Variants in ARNT2 observed in about 807,000 individuals in gnomAD.
ARNT2 encodes the protein aryl hydrocarbon receptor nuclear translocator 2, also known as ARNT protein 2.
In ARNT2, 36 loss-of-function variants were observed where a neutral mutation model predicts 91.7. That is an observed-to-expected ratio of 0.39 (90% confidence interval 0.30 to 0.52). The LOEUF (loss-of-function observed/expected upper bound fraction) is 0.52, where lower values mean the gene tolerates loss of function less well. ARNT2 is among the 20% of genes least tolerant of loss of function. The pLI is 0.72. For synonymous variants in ARNT2, 365 were observed against 347.1 expected, an observed-to-expected ratio of 1.05 and a Z score of -0.57; for missense variants, 775 against 939.3, an observed-to-expected ratio of 0.83 and a Z score of 2.29.
intron 8 of ARNT2, among the ~76,000 whole-genome samples, chr15:80,546,820 A>T (rs1049197489): frequency 3.9e-5 from 6 of 151,912 alleles, no homozygotes; most frequent in Non-Finnish European, 8.8e-5. Context: ...AAAATTAGCC[A>T]TGTGCGGTGG....
At position 80,597,595 on chromosome 15, in the gene ARNT2, C is replaced by A. The variant is rs952703151; in HGVS notation, c.*3897C>A. The A allele has an allele frequency of 4.0e-5, 8 of 198,810 alleles. No homozygotes were observed. The highest frequency in any genetic ancestry group is 9.3e-5 in the African/African-American group (4 of 42,964). 12.3% of individuals were successfully genotyped at this position (198,810 alleles called of 1,614,324 possible). Reference sequence around the variant, plus strand: ...TGGCCAAAGCTAGTGTTATGGTCAACAACAGGCCAGGGTCTGTGGGGCACT... The same window carrying A: ...TGGCCAAAGCTAGTGTTATGGTCAAAAACAGGCCAGGGTCTGTGGGGCACT... On this transcript the variant is annotated 3_prime_UTR_variant, in exon 19 of 19. Transcript: ENST00000303329.
chr15:80,446,175 AGG>A (rs1896300648), intron 1 of ARNT2, among the ~76,000 whole-genome samples: 2 of 152,138 alleles, frequency 1.3e-5, no homozygotes, highest in Non-Finnish European at 2.9e-5. Flanking sequence ...AATTTGCTCA[AGG>A]GTTATATAAA....
At position 80,441,105 on chromosome 15, in the gene ARNT2, G is replaced by A. The variant is rs1456151661; in HGVS notation, c.32-9775G>A. On this transcript the variant is annotated intron_variant, in intron 1 of 18. Transcript: ENST00000303329. ...AATATGCATTTGTTATGGTTTCATA[G>A]GAAATCCAAGTAACCGATTTTTCAG... 5.6e-6 allele frequency: 3 copies of A among 538,106 alleles called. No individual in the cohort carries two copies. The African/African-American group carries it at 6.2e-5, about 11-fold the overall frequency. 33.3% of individuals were successfully genotyped at this position (538,106 alleles called of 1,614,324 possible). A position where few individuals can be genotyped will look rare whatever the true frequency, so the allele number is the denominator to read the frequency against.
intron 1 of ARNT2, among the ~76,000 whole-genome samples, chr15:80,429,842 C>G (rs1016788295): frequency 4.6e-5 from 7 of 152,120 alleles, no homozygotes; most frequent in Non-Finnish European, 7.3e-5. Context: ...CTGACAGAGC[C>G]CCTGCCCAAC....
intron 5 of ARNT2, among the ~76,000 whole-genome samples, chr15:80,504,524 T>TC (rs1194178843): frequency 0.034 from 12 of 356 alleles, no homozygotes; most frequent in South Asian, 0.3. Context: ...GTCCCAGCAC[T>TC]TTGGAGGCCG....
intron 5 of ARNT2, among the ~76,000 whole-genome samples, chr15:80,495,161 C>T (rs1595985962): frequency 6.6e-6 from 1 of 152,200 alleles, no homozygotes. Context: ...ACCCCAGCCG[C>T]CATCTTCCTT....
At chr15:80,513,292 T>A (rs956767561) in intron 6 of ARNT2, among the ~76,000 whole-genome samples, 1 of 152,080 alleles carries the variant, frequency 6.6e-6, no homozygotes, top group Admixed American at 6.5e-5. Context: ...GATGCCACCA[T>A]CCCCTGCCTC....
intron 8 of ARNT2, among the ~76,000 whole-genome samples, chr15:80,522,210 A>G (rs1245919761): frequency 1.3e-5 from 2 of 152,180 alleles, no homozygotes; most frequent in African/African-American, 4.8e-5. Flanking sequence ...AGCTACATTA[A>G]CTCATTTAAT....
intron 5 of ARNT2, among the ~76,000 whole-genome samples, chr15:80,478,445 G>A (rs1469630508): frequency 3.9e-5 from 6 of 152,234 alleles, no homozygotes; most frequent in Non-Finnish European, 8.8e-5. Flanking sequence ...TCCTCGGAGT[G>A]GACACTGGAC....
intron 1 of ARNT2, among the ~76,000 whole-genome samples, chr15:80,413,176 G>A (rs546865851): frequency 1.3e-5 from 2 of 152,364 alleles, no homozygotes; most frequent in South Asian, 4.1e-4. Context: ...TGGCCTCAGT[G>A]GGCCGCTGCA....
chr15:80,543,960 C>G (rs573721078), intron 8 of ARNT2, among the ~76,000 whole-genome samples: 1 of 152,184 alleles, frequency 6.6e-6, no homozygotes, highest in East Asian at 1.9e-4. Context: ...AGGCTGGTCT[C>G]AAACTCCTGA....
intron 4 of ARNT2, among the ~76,000 whole-genome samples, chr15:80,473,142 G>A (rs770356806): frequency 3.9e-5 from 6 of 152,196 alleles, no homozygotes; most frequent in Admixed American, 1.3e-4. Context: ...TGCTGAGGGC[G>A]TGAAGTAACA....
At chr15:80,454,773 A>G (rs1021785360) in intron 2 of ARNT2, among the ~76,000 whole-genome samples, 35 of 152,316 alleles carry the variant, frequency 2.3e-4, no homozygotes, top group African/African-American at 8.2e-4. Context: ...TATTTGATGA[A>G]GCATTATTAT....
At chr15:80,415,221 C>T (rs1030467099) in intron 1 of ARNT2, among the ~76,000 whole-genome samples, 2 of 152,256 alleles carry the variant, frequency 1.3e-5, no homozygotes, top group Non-Finnish European at 2.9e-5. Context: ...ATATTTCCTC[C>T]TCCTGCTATG....
chr15:80,496,050 C>T (rs1897123269), intron 5 of ARNT2, among the ~76,000 whole-genome samples: 1 of 152,224 alleles, frequency 6.6e-6, no homozygotes, highest in South Asian at 2.1e-4. Flanking sequence ...GCTTCCCCTA[C>T]TCTGTGAGCC....
At chr15:80,490,504 G>A (rs117633747) in intron 5 of ARNT2, among the ~76,000 whole-genome samples, 2,376 of 152,366 alleles carry the variant, frequency 0.016, 44 homozygotes, top group East Asian at 0.069. Flanking sequence ...GAAGCCCACG[G>A]AAGAAAGCCT....
At chr15:80,485,056 G>A (rs1896947608) in intron 5 of ARNT2, among the ~76,000 whole-genome samples, 1 of 152,220 alleles carries the variant, frequency 6.6e-6, no homozygotes, top group Non-Finnish European at 1.5e-5. Flanking sequence ...TTTGGGAATT[G>A]TAGAGAGTTC....
At chr15:80,434,759 G>T (rs531232267) in intron 1 of ARNT2, among the ~76,000 whole-genome samples, 1 of 152,280 alleles carries the variant, frequency 6.6e-6, no homozygotes, top group East Asian at 1.9e-4. Context: ...GGGAGTGGAA[G>T]AGAGAAGGAA....
At chr15:80,463,736 G>A (rs540007472) in intron 3 of ARNT2, among the ~76,000 whole-genome samples, 2 of 151,984 alleles carry the variant, frequency 1.3e-5, no homozygotes, top group East Asian at 1.9e-4. Flanking sequence ...GCACCACCGC[G>A]CCCGGCTAAT....
Sources: gnomAD v4.1 joint callset for allele counts (sites outside exome capture counted in the v4.1 genomes callset) on GRCh38, gnomAD v4.1.1 for gene constraint, MANE v1.5 for transcripts, NCBI Gene and HGNC (gene_info 2026-07-23, HGNC 2026-07-21) for gene names.